The following KHDRBS3 variants were observed in gnomAD, a reference collection of about 807,000 sequenced individuals.
KHDRBS3 encodes the protein KH RNA binding domain containing, signal transduction associated 3.
In KHDRBS3, 23 loss-of-function variants were observed where a neutral mutation model predicts 45.6. That is an observed-to-expected ratio of 0.50 (90% CI 0.36 to 0.72). The LOEUF (loss-of-function observed/expected upper bound fraction) is 0.72. Ranked by LOEUF, KHDRBS3 falls within the 30% of genes least tolerant of loss-of-function variation. The pLI, the probability that KHDRBS3 is intolerant of heterozygous loss-of-function variation, is 0.00. For missense variants in KHDRBS3, 352 were observed against 424.8 expected, an observed-to-expected ratio of 0.83 and a Z score of 1.51; for synonymous variants, 162 against 156.5, an observed-to-expected ratio of 1.04 and a Z score of -0.26.
intron 7 of KHDRBS3, among the ~76,000 whole-genome samples, chr8:135,636,208 C>G (rs146905296): frequency 7.2e-5 from 11 of 152,208 alleles, no homozygotes; most frequent in African/African-American, 2.4e-4. Context: ...GGTGCTTTTC[C>G]TTGAGATCAC....
At chr8:135,611,844 G>T (rs964643191) in intron 7 of KHDRBS3, among the ~76,000 whole-genome samples, 1 of 151,758 alleles carries the variant, frequency 6.6e-6, no homozygotes, top group African/African-American at 2.4e-5. Context: ...TCTAACACCG[G>T]TTTAAGCACA....
intron 1 of KHDRBS3, among the ~76,000 whole-genome samples, chr8:135,484,967 C>T (rs750448367): frequency 6.6e-6 from 1 of 152,092 alleles, no homozygotes; most frequent in Admixed American, 6.5e-5. Flanking sequence ...GTGGAGCACA[C>T]GAAGATAAGA....
chr8:135,521,088 A>G, intron 1 of KHDRBS3, 149 bp from the exon 2 acceptor site: 1 of 624,032 alleles, frequency 1.6e-6, no homozygotes, highest in Non-Finnish European at 2.9e-6. Context: ...TCATTGATGA[A>G]ACCGGAAATG....
intron 7 of KHDRBS3, among the ~76,000 whole-genome samples, chr8:135,630,778 A>G (rs1314982327): frequency 6.6e-6 from 1 of 152,102 alleles, no homozygotes; most frequent in Non-Finnish European, 1.5e-5. Context: ...AATATGGTAT[A>G]AAAAAAGATG....
intron 6 of KHDRBS3, among the ~76,000 whole-genome samples, chr8:135,588,501 C>G (rs550127340): frequency 6.6e-6 from 1 of 152,202 alleles, no homozygotes; most frequent in Non-Finnish European, 1.5e-5. Flanking sequence ...ATCTCCAGCC[C>G]CCTCCCCTCC....
At chr8:135,509,200 G>A (rs1824154393) in intron 1 of KHDRBS3, among the ~76,000 whole-genome samples, 1 of 152,180 alleles carries the variant, frequency 6.6e-6, no homozygotes, top group Non-Finnish European at 1.5e-5. Flanking sequence ...ATATTTGTTG[G>A]AGGTGAAACT....
chr8:135,572,918 A>G (rs1484813860), intron 5 of KHDRBS3, among the ~76,000 whole-genome samples: 1 of 152,246 alleles, frequency 6.6e-6, no homozygotes, highest in Non-Finnish European at 1.5e-5. Flanking sequence ...TAGAATGATT[A>G]AAGTTTATTC....
intron 1 of KHDRBS3, among the ~76,000 whole-genome samples, chr8:135,463,346 G>A (rs1821528078): frequency 6.6e-6 from 1 of 152,098 alleles, no homozygotes; most frequent in Admixed American, 6.5e-5. Context: ...CAGCTTTAGA[G>A]GACCTGAATT....
intron 1 of KHDRBS3, among the ~76,000 whole-genome samples, chr8:135,474,841 C>T (rs1563704284): frequency 1.3e-5 from 2 of 152,256 alleles, no homozygotes; most frequent in African/African-American, 2.4e-5. Context: ...CTCAGAAGTC[C>T]GCGTGGCTCC....
At chr8:135,641,410 C>G (rs898749203) in intron 7 of KHDRBS3, among the ~76,000 whole-genome samples, 2 of 152,180 alleles carry the variant, frequency 1.3e-5, no homozygotes, top group Non-Finnish European at 2.9e-5. Flanking sequence ...ACTCATTTAT[C>G]TGTGCAACAG....
At chr8:135,570,651 A>G (rs1280924864) in intron 5 of KHDRBS3, among the ~76,000 whole-genome samples, 1 of 152,148 alleles carries the variant, frequency 6.6e-6, no homozygotes, top group East Asian at 1.9e-4. Context: ...TGCTCAGGCC[A>G]TTCTCCCATC....
At position 135,619,664 on chromosome 8, in the gene KHDRBS3, A is replaced by G. The variant is rs372736025; in HGVS notation, c.890+12627A>G. Among the ~76,000 whole-genome samples, 38 of 151,902 alleles carry G rather than the reference A, an allele frequency of 2.5e-4. No individual in the cohort carries two copies. The East Asian group carries it at 3.7e-3, about 15-fold the overall frequency. On this transcript the variant is annotated intron_variant, in intron 7 of 8. Coordinates refer to ENST00000355849, the MANE Select transcript of KHDRBS3 (RefSeq NM_006558.3). ...CACATCGTAAATGCTATCAATAGCT[A>G]TCATTAAAGTCCTACAATTCTTTAT...
intron 1 of KHDRBS3, among the ~76,000 whole-genome samples, chr8:135,485,954 C>T (rs1333887425): frequency 7.3e-5 from 11 of 151,494 alleles, no homozygotes; most frequent in African/African-American, 1.2e-4. Flanking sequence ...GGCCTTAGCT[C>T]CCGTCTGGTG....
intron 2 of KHDRBS3, among the ~76,000 whole-genome samples, chr8:135,527,209 TA>T (rs1177394532): frequency 6.6e-6 from 1 of 152,204 alleles, no homozygotes; most frequent in Admixed American, 6.5e-5. Context: ...GTCTTTGGGC[TA>T]AAAAACTGCC....
chr8:135,608,059 G>A (rs978215557), intron 7 of KHDRBS3, among the ~76,000 whole-genome samples: 5 of 152,120 alleles, frequency 3.3e-5, no homozygotes, highest in African/African-American at 4.8e-5. Context: ...AACACTTACG[G>A]AGCCCAGTGA....
intron 1 of KHDRBS3, among the ~76,000 whole-genome samples, chr8:135,474,697 G>A (rs559397295): frequency 1.7e-3 from 252 of 152,262 alleles, no homozygotes; most frequent in Non-Finnish European, 2.7e-3. Flanking sequence ...CTTTTTTCAA[G>A]TTTCAGATTC....
At chr8:135,563,387 A>T (rs1338466310) in intron 5 of KHDRBS3, among the ~76,000 whole-genome samples, 2 of 152,170 alleles carry the variant, frequency 1.3e-5, no homozygotes, top group African/African-American at 4.8e-5. Context: ...CCCTCTCAGC[A>T]TCGCATCCTC....
At chr8:135,526,625 G>C (rs925466709) in intron 2 of KHDRBS3, among the ~76,000 whole-genome samples, 1 of 152,170 alleles carries the variant, frequency 6.6e-6, no homozygotes, top group African/African-American at 2.4e-5. Context: ...GTAGAGAATA[G>C]TGTAGTGTGG....
At chr8:135,510,584 G>A (rs1020834680) in intron 1 of KHDRBS3, among the ~76,000 whole-genome samples, 3 of 152,122 alleles carry the variant, frequency 2.0e-5, no homozygotes, top group Non-Finnish European at 4.4e-5. Flanking sequence ...ATAGGCACAC[G>A]CCACCATGCC....
Sources: allele counts gnomAD v4.1 joint callset (sites outside exome capture counted in the v4.1 genomes callset), GRCh38; gene constraint gnomAD v4.1.1; transcripts MANE v1.5; gene names NCBI Gene and HGNC (gene_info 2026-07-23, HGNC 2026-07-21).